CUL3: variants seen among roughly 807,000 people sequenced by gnomAD.
CUL3 encodes the protein cullin 3.
In CUL3, 19 loss-of-function variants were observed where a neutral mutation model predicts 89.1. The observed-to-expected ratio is 0.21, with a 90% confidence interval of 0.15 to 0.31. The LOEUF is 0.31. CUL3 is among the 10% of genes least tolerant of loss of function. The probability of loss-of-function intolerance (pLI) is 1.00; values close to 1 mark genes in which losing one functional copy is unlikely to be tolerated. For missense variants in CUL3, 469 were observed against 942.3 expected (o/e 0.50, Z 6.58); for synonymous variants, 351 against 308.4 (o/e 1.14, Z -1.45).
Position 224,511,591 on chromosome 2 carries a change from T to A in CUL3, c.655-9A>T. Reference sequence around the variant, plus strand: ...AATTTCTGGCTTTCCATCTGCCATTTAAAAATATATATATTTTTTAAACAT... The same window carrying A: ...AATTTCTGGCTTTCCATCTGCCATTAAAAAATATATATATTTTTTAAACAT... On this transcript the variant is annotated splice_polypyrimidine_tract_variant and intron_variant, in intron 5 of 15. Transcript: ENST00000264414. The A allele has an allele frequency of 7.1e-7, 1 of 1,415,178 alleles. No individual in the cohort carries two copies. Among genetic ancestry groups the A allele is most frequent in the Non-Finnish European group, 9.7e-7 (1 of 1,030,796 alleles). The allele number at this position is 1,415,178 out of a possible 1,614,324, so 87.7% of individuals were successfully genotyped here. A position where few individuals can be genotyped will look rare whatever the true frequency, so the allele number is the denominator to read the frequency against.
At chr2:224,474,778 C>T (rs1279704744) in intron 15 of CUL3, among the ~76,000 whole-genome samples, 2 of 152,268 alleles carry the variant, frequency 1.3e-5, no homozygotes, top group East Asian at 3.9e-4. Context: ...TCAGCTCTAC[C>T]ACTACTAGCT....
chr2:224,483,364 A>T (rs1298257588), intron 13 of CUL3, among the ~76,000 whole-genome samples: 3 of 152,172 alleles, frequency 2.0e-5, no homozygotes, highest in Non-Finnish European at 4.4e-5. Context: ...TATAGTGGGG[A>T]ATTCTTAGCT....
At chr2:224,578,436 T>C (rs1695360407) in intron 1 of CUL3, among the ~76,000 whole-genome samples, 1 of 152,186 alleles carries the variant, frequency 6.6e-6, no homozygotes, top group African/African-American at 2.4e-5. Flanking sequence ...ATGTTAATGT[T>C]GTTTGTTTCC....
In CUL3 at chr2:224,517,925, TA is replaced by T. The variant is rs1348936664; in HGVS notation, c.379-3154del. 2.0e-5 allele frequency among the ~76,000 whole-genome samples: 3 copies of T among 152,180 alleles called. No homozygotes were observed. The East Asian group carries it at 5.8e-4, about 29-fold the overall frequency. On this transcript the variant is annotated intron_variant, in intron 3 of 15. Coordinates refer to ENST00000264414, the MANE Select transcript of CUL3 (RefSeq NM_003590.5). Reference sequence around the variant, plus strand: ...ATCTAGCTTGCCAAATAAAAAATTTTATTTTTTTCACAAGATTTTATCAATT... The same window carrying T: ...ATCTAGCTTGCCAAATAAAAAATTTTTTTTTTTCACAAGATTTTATCAATT...
At chr2:224,551,159 C>T (rs1694499640) in intron 2 of CUL3, among the ~76,000 whole-genome samples, 1 of 151,798 alleles carries the variant, frequency 6.6e-6, no homozygotes, top group East Asian at 1.9e-4. Flanking sequence ...TGGGCCTCAG[C>T]CTCCTGAGCG....
At chr2:224,562,089 A>G (rs1026171164) in intron 1 of CUL3, among the ~76,000 whole-genome samples, 6 of 152,218 alleles carry the variant, frequency 3.9e-5, no homozygotes, top group Non-Finnish European at 8.8e-5. Context: ...GTAAATTACT[A>G]AATTTTTCTA....
Position 224,523,059 on chromosome 2 carries a change from CACACTT to C in CUL3, c.379-8293_379-8288del, listed in dbSNP as rs540810240. ...GTCAGAGGGAAAAAAAACAGTTAAT[CACACTT>C]TGAGGTCTTAGAGCAATGAATTTAT... On this transcript the variant is annotated intron_variant, in intron 3 of 15. Transcript: ENST00000264414. 3.9e-5 allele frequency among the ~76,000 whole-genome samples: 6 copies of C among 152,194 alleles called. No homozygotes were observed. The East Asian group carries it at 9.6e-4, about 24-fold the overall frequency.
intron 2 of CUL3, among the ~76,000 whole-genome samples, chr2:224,549,247 G>A (rs1023741002): frequency 6.6e-6 from 1 of 151,940 alleles, no homozygotes; most frequent in East Asian, 1.9e-4. Flanking sequence ...AAACTACAAG[G>A]TGGAGATTGC....
intron 13 of CUL3, among the ~76,000 whole-genome samples, chr2:224,492,952 T>TG (rs546897505): frequency 1.1e-4 from 16 of 152,072 alleles, no homozygotes; most frequent in Non-Finnish European, 1.9e-4. Flanking sequence ...AAAAGGCCCA[T>TG]GTGCAGAGAA....
intron 1 of CUL3, among the ~76,000 whole-genome samples, chr2:224,558,445 T>A (rs552371749): frequency 2.5e-4 from 38 of 152,074 alleles, no homozygotes; most frequent in African/African-American, 8.9e-4. Flanking sequence ...ACTGAGAAAA[T>A]AAAAACAACC....
chr2:224,583,795 A>C (rs1248712823), intron 1 of CUL3, among the ~76,000 whole-genome samples: 1 of 152,146 alleles, frequency 6.6e-6, no homozygotes, highest in Admixed American at 6.5e-5. Context: ...CAATCACATC[A>C]AGGTAAGTCT....
chr2:224,530,840 G>C (rs1574662687), intron 3 of CUL3, among the ~76,000 whole-genome samples: 1 of 152,130 alleles, frequency 6.6e-6, no homozygotes, highest in African/African-American at 2.4e-5. Context: ...CCAGGAGGCG[G>C]AGGCTGCAGT....
chr2:224,552,096 C>CA (rs1694535533), intron 2 of CUL3, among the ~76,000 whole-genome samples: 1 of 152,192 alleles, frequency 6.6e-6, no homozygotes. Context: ...GCCTGGCAAA[C>CA]AGTTTTGAAT....
intron 2 of CUL3, among the ~76,000 whole-genome samples, chr2:224,539,783 A>G (rs1268248200): frequency 6.6e-6 from 1 of 151,788 alleles, no homozygotes; most frequent in Non-Finnish European, 1.5e-5. Flanking sequence ...AAAAAAAAAT[A>G]GGTATGTAAG....
intron 3 of CUL3, among the ~76,000 whole-genome samples, chr2:224,529,082 A>T (rs903262112): frequency 6.6e-6 from 1 of 152,174 alleles, no homozygotes; most frequent in South Asian, 2.1e-4. Flanking sequence ...TACTATCTAT[A>T]ATTTTCCCTT....
intron 2 of CUL3, among the ~76,000 whole-genome samples, chr2:224,539,542 G>T (rs539898722): frequency 6.6e-6 from 1 of 152,206 alleles, no homozygotes; most frequent in East Asian, 1.9e-4. Flanking sequence ...CCACAACTTG[G>T]AAGAAACCAA....
At chr2:224,505,309 G>A (rs560568128) in intron 8 of CUL3, among the ~76,000 whole-genome samples, 2 of 152,044 alleles carry the variant, frequency 1.3e-5, no homozygotes, top group South Asian at 2.1e-4. Flanking sequence ...AGCTAATTTT[G>A]TATTTTTAGT....
Position 224,585,004 on chromosome 2 carries a change from C to T in CUL3, c.6G>A (p.Ser2=), listed in dbSNP as rs2106331378. 6.6e-7 allele frequency: 1 copy of T among 1,508,504 alleles called. No homozygotes were observed. Among genetic ancestry groups the T allele is most frequent in the Non-Finnish European group, 8.9e-7 (1 of 1,117,512 alleles). 93.4% of individuals were successfully genotyped at this position (1,508,504 alleles called of 1,614,324 possible). A position where few individuals can be genotyped will look rare whatever the true frequency, so the allele number is the denominator to read the frequency against. Residue 2 remains serine, a synonymous_variant, in exon 1 of 16, where the codon TCG becomes TCA. Coordinates refer to ENST00000264414, the MANE Select transcript of CUL3 (RefSeq NM_003590.5). M[S]NLSKGTGSRK... is the part of the protein sequence containing the mutation. ...GGCTGCCCGTGCCTTTGCTCAGATTCGACATGGTGCTCGTCCCCTCCCCGG... is the reference window on the plus strand; with the variant it reads ...GGCTGCCCGTGCCTTTGCTCAGATTTGACATGGTGCTCGTCCCCTCCCCGG...
At chr2:224,496,114 T>C in intron 12 of CUL3, 148 bp from the exon 13 acceptor site, 1 of 766,864 alleles carries the variant, frequency 1.3e-6, no homozygotes, top group East Asian at 2.8e-5. Flanking sequence ...CACTGCAGCC[T>C]CAACCTCCTG....
Sources: gnomAD v4.1 joint callset for allele counts (sites outside exome capture counted in the v4.1 genomes callset) on GRCh38, gnomAD v4.1.1 for gene constraint, MANE v1.5 for transcripts, NCBI Gene and HGNC (gene_info 2026-07-23, HGNC 2026-07-21) for gene names.